Variants in R3HDM1 observed in about 807,000 individuals in gnomAD.
R3HDM1 encodes the protein R3H domain containing 1.
In R3HDM1, 46 loss-of-function variants were observed where a neutral mutation model predicts 141.1. The observed-to-expected ratio is 0.33, with a 90% CI of 0.26 to 0.42. The LOEUF is 0.42. Among genes scored for constraint, R3HDM1 ranks in the 10% least tolerant of loss-of-function variants. The probability of loss-of-function intolerance (pLI) is 1.00; values close to 1 mark genes in which losing one functional copy is unlikely to be tolerated. For synonymous variants in R3HDM1, 435 were observed against 472.9 expected (o/e 0.92, Z 1.04); for missense variants, 1,184 against 1,368.3 (o/e 0.87, Z 2.12).
At chr2:135,665,516 CT>C in intron 19 of R3HDM1, 1 of 522,884 alleles carries the variant, frequency 1.9e-6, no homozygotes, top group Non-Finnish European at 3.9e-6. Flanking sequence ...TGCTTTTTTG[CT>C]TTTTTTAATG....
rs745904245 is a variant in R3HDM1 at position 135,715,602 on chromosome 2, C to T, written c.2789C>T (p.Pro930Leu). Residue 930 changes from proline (P) to leucine (L), a missense_variant, in exon 24 of 27, where the codon CCA (proline) becomes CTA (leucine). Pro to Leu is a moderately conservative substitution (Grantham distance 98, BLOSUM62 -3). Around this residue, in one of 5 missense-constraint regions of R3HDM1, gnomAD observed 563 missense variants for 562.0 expected, o/e 1.00. Coordinates refer to ENST00000683871, the MANE Select transcript of R3HDM1 (RefSeq NM_001378107.1). ...ATTTCACCAGCTCAGTCGCCAGCAC[C>T]AGCTCAGCTGTCCACCCTGAAAACT... ...PIISPAQSPA[P>L]AQLSTLKTVR... The T allele has an allele frequency of 1.9e-6, 3 of 1,613,966 alleles. No homozygotes were observed. Among genetic ancestry groups the T allele is most frequent in the Non-Finnish European group, 2.5e-6 (3 of 1,179,954 alleles).
At chr2:135,702,668 A>T (rs1033044789) in intron 21 of R3HDM1, among the ~76,000 whole-genome samples, 10 of 151,310 alleles carry the variant, frequency 6.6e-5, no homozygotes, top group South Asian at 2.1e-4. Context: ...AAAAAAAAAA[A>T]ATATCAGGCA....
chr2:135,704,275 C>T (rs989520276), intron 21 of R3HDM1, among the ~76,000 whole-genome samples: 4 of 152,192 alleles, frequency 2.6e-5, no homozygotes, highest in African/African-American at 7.2e-5. Flanking sequence ...CCGCCACACC[C>T]GGCTGAACTG....
intron 21 of R3HDM1, among the ~76,000 whole-genome samples, chr2:135,696,531 A>G (rs906183870): frequency 7.2e-5 from 11 of 152,314 alleles, no homozygotes; most frequent in African/African-American, 2.6e-4. Context: ...TCTTGCTGTC[A>G]TTTAGGCTGG....
intron 19 of R3HDM1, among the ~76,000 whole-genome samples, chr2:135,663,099 T>C (rs960921366): frequency 1.3e-5 from 2 of 149,714 alleles, no homozygotes; most frequent in Non-Finnish European, 2.9e-5. Context: ...CAATCACAGG[T>C]TGGGACTAGT....
Position 135,724,263 on chromosome 2 carries a change from C to G in R3HDM1, c.3376C>G (p.His1126Asp). 1 of 1,613,140 alleles carries G rather than the reference C, an allele frequency of 6.2e-7. No individual in the cohort carries two copies. The highest frequency in any genetic ancestry group is 8.5e-7 in the Non-Finnish European group (1 of 1,179,540). The change falls in exon 27 of 27, where the codon CAC becomes GAC. Residue 1126 changes from histidine to aspartate, a missense_variant. Around this residue, in one of 5 missense-constraint regions of R3HDM1, gnomAD observed 182 missense variants for 252.6 expected, o/e 0.72. Coordinates refer to ENST00000683871, the MANE Select transcript of R3HDM1 (RefSeq NM_001378107.1). ...LRTSKKHYDF[H>D]ILERASSQ The stretch of plus-strand genomic sequence containing the variant: ...AACAAGCAAGAAGCACTATGACTTT[C>G]ACATTTTGGAAAGGGCAAGTTCTCA...
At chr2:135,670,541 C>A in intron 19 of R3HDM1, 2 of 362,310 alleles carry the variant, frequency 5.5e-6, no homozygotes, top group Non-Finnish European at 7.7e-6. Flanking sequence ...TAGTCTGTGT[C>A]ATATAACCCC....
intron 1 of R3HDM1, among the ~76,000 whole-genome samples, chr2:135,533,559 C>G (rs1402268460): frequency 6.6e-6 from 1 of 152,184 alleles, no homozygotes; most frequent in Non-Finnish European, 1.5e-5. Context: ...TAATGCTTAA[C>G]TTAGGGAGTT....
Position 135,645,513 on chromosome 2 carries a change from C to T in R3HDM1, c.1609C>T (p.His537Tyr), listed in dbSNP as rs751962812. ...CCCACCTCAACAACCAGCAGCTAAT[C>T]ACATTTTCTCACAGGTGCACATATC... ...PAPPQQPAAN[H>Y]IFSQPVHPLQ... Residue 537 changes from histidine (H) to tyrosine (Y), a missense_variant, in exon 16 of 27, where the codon CAC becomes TAC. Around this residue, in one of 5 missense-constraint regions of R3HDM1, gnomAD observed 563 missense variants for 562.0 expected, o/e 1.00. Transcript: ENST00000683871. 4 of 1,614,018 alleles carry T rather than the reference C, an allele frequency of 2.5e-6. No individual in the cohort carries two copies. Among genetic ancestry groups the T allele is most frequent in the Non-Finnish European group, 3.4e-6 (4 of 1,179,962 alleles).
intron 18 of R3HDM1, among the ~76,000 whole-genome samples, chr2:135,660,403 A>G (rs1157602876): frequency 1.3e-5 from 2 of 152,208 alleles, no homozygotes; most frequent in African/African-American, 4.8e-5. Context: ...AATTTCATGC[A>G]TGATGTAAAG....
chr2:135,701,267 G>A lies in R3HDM1; in HGVS notation c.2460-8166G>A, dbSNP rs550055473. Among the ~76,000 whole-genome samples the A allele has an allele frequency of 4.0e-5, 6 of 150,988 alleles. No individual in the cohort carries two copies. The South Asian group carries it at 1.3e-3, about 32-fold the overall frequency. ...AAACTATAAAAATTAGCCAGGTGCA[G>A]TGGTGCACACCTGTAGTCCTAGCTA... On this transcript the variant is annotated intron_variant, in intron 21 of 26. Transcript: ENST00000683871.
intron 1 of R3HDM1, among the ~76,000 whole-genome samples, chr2:135,593,391 A>C (rs990608098): frequency 2.0e-5 from 3 of 152,162 alleles, no homozygotes; most frequent in African/African-American, 7.2e-5. Context: ...CACTAGCACT[A>C]TATTAGGAGG....
intron 18 of R3HDM1, 95 bp downstream of exon 18, chr2:135,652,127 G>T (rs913195045): frequency 6.4e-5 from 93 of 1,446,210 alleles, no homozygotes; most frequent in Non-Finnish European, 7.2e-5. Context: ...CTCATGAAGA[G>T]AATTTGTGAG....
chr2:135,651,278 A>G, intron 17 of R3HDM1: 1 of 984,892 alleles, frequency 1.0e-6, no homozygotes, highest in Non-Finnish European at 1.2e-6. Context: ...AATGCATAGA[A>G]TTTGCATTTT....
chr2:135,558,592 A>G (rs769546449), intron 1 of R3HDM1, among the ~76,000 whole-genome samples: 1 of 152,348 alleles, frequency 6.6e-6, no homozygotes, highest in East Asian at 1.9e-4. Flanking sequence ...TGTCATTGTT[A>G]TATCACTACC....
At chr2:135,650,767 A>G in intron 17 of R3HDM1, 1 of 983,116 alleles carries the variant, frequency 1.0e-6, no homozygotes. Flanking sequence ...TCAGTCCTTT[A>G]TCTTCTCCAT....
At chr2:135,603,502 C>T (rs1300577419) in intron 2 of R3HDM1, among the ~76,000 whole-genome samples, 14 of 152,308 alleles carry the variant, frequency 9.2e-5, no homozygotes, top group African/African-American at 3.4e-4. Flanking sequence ...AGCATACTTG[C>T]TATAACCTAT....
At chr2:135,633,105 G>T (rs1380089840) in intron 9 of R3HDM1, among the ~76,000 whole-genome samples, 2 of 152,088 alleles carry the variant, frequency 1.3e-5, no homozygotes, top group African/African-American at 4.8e-5. Context: ...TTTAGAAAGG[G>T]ATCTTTTCTT....
chr2:135,585,190 G>T (rs747854306), intron 1 of R3HDM1, among the ~76,000 whole-genome samples: 1 of 152,178 alleles, frequency 6.6e-6, no homozygotes, highest in African/African-American at 2.4e-5. Context: ...GGAAGATTTT[G>T]TGGATTTCTA....
Sources: gnomAD v4.1 joint callset for allele counts (sites outside exome capture counted in the v4.1 genomes callset) on GRCh38, gnomAD v4.1.1 for gene constraint, gnomAD v4.1.1 regional missense constraint, MANE v1.5 for transcripts, NCBI Gene and HGNC (gene_info 2026-07-23, HGNC 2026-07-21) for gene names.